C11orf52: variants seen among roughly 807,000 people sequenced by gnomAD.
C11orf52 encodes chromosome 11 open reading frame 52, also known as uncharacterized protein C11orf52.
C11orf52 carries 9 observed loss-of-function variants against 11.7 expected under a neutral mutation model. The observed-to-expected ratio is 0.77, with a 90% CI of 0.46 to 1.34. The LOEUF is 1.34. Among genes scored for constraint, C11orf52 ranks in the 40% most tolerant of loss-of-function variants. The pLI is 0.00. For missense variants in C11orf52, 139 were observed against 154.8 expected, an observed-to-expected ratio of 0.90 and a Z score of 0.54; for synonymous variants, 49 against 57.4, an observed-to-expected ratio of 0.85 and a Z score of 0.66.
intron 2 of C11orf52, 85 bp downstream of exon 2, chr11:111,924,448 G>A: frequency 8.2e-7 from 1 of 1,217,252 alleles, no homozygotes; most frequent in African/African-American, 1.5e-5. Context: ...GGGCAGAAGG[G>A]TAGAAAAGGA....
chr11:111,924,679 T>C (rs1444016581), intron 2 of C11orf52, among the ~76,000 whole-genome samples: 1 of 152,226 alleles, frequency 6.6e-6, no homozygotes, highest in Admixed American at 6.5e-5. Flanking sequence ...GAAAGACACA[T>C]GATCTCAGCC....
intron 1 of C11orf52, among the ~76,000 whole-genome samples, chr11:111,920,720 C>T (rs1965682725): frequency 6.6e-6 from 1 of 152,108 alleles, no homozygotes; most frequent in South Asian, 2.1e-4. Context: ...ACCATGATCA[C>T]ACCACTGCAC....
At chr11:111,922,468 C>T (rs1043904950) in intron 1 of C11orf52, among the ~76,000 whole-genome samples, 14 of 152,172 alleles carry the variant, frequency 9.2e-5, no homozygotes, top group African/African-American at 1.2e-4. Context: ...ACTTCTGCAA[C>T]GAGCAGAAAA....
chr11:111,922,553 G>C (rs1555166624), intron 1 of C11orf52, among the ~76,000 whole-genome samples: 1 of 152,070 alleles, frequency 6.6e-6, no homozygotes, highest in Non-Finnish European at 1.5e-5. Context: ...TTTTAAATGT[G>C]CACAGTTTTT....
At chr11:111,924,105 A>G in intron 1 of C11orf52, 1 of 443,506 alleles carries the variant, frequency 2.3e-6, no homozygotes, top group Admixed American at 3.7e-5. Context: ...GGGTCTGGTT[A>G]TGTCAGTTGT....
chr11:111,919,241 G>A (rs1965647947), intron 1 of C11orf52: 2 of 535,146 alleles, frequency 3.7e-6, no homozygotes, highest in Admixed American at 3.1e-5. Flanking sequence ...TTGGGAGGCC[G>A]AGGCCGGCGG....
At chr11:111,919,130 C>G in intron 1 of C11orf52, 126 bp downstream of exon 1, 1 of 1,044,544 alleles carries the variant, frequency 9.6e-7, no homozygotes, top group Non-Finnish European at 1.4e-6. Flanking sequence ...CTGCCTGGTA[C>G]CTCCTTGTTC....
At chr11:111,924,410 A>G in intron 2 of C11orf52, 47 bp downstream of exon 2, 1 of 1,520,296 alleles carries the variant, frequency 6.6e-7, no homozygotes, top group Middle Eastern at 1.7e-4. Context: ...CAAATTAGAG[A>G]AGACAATAGA....
Position 111,926,139 on chromosome 11 carries a change from G to A in C11orf52, c.312G>A (p.Ala104=), listed in dbSNP as rs1965802669. The A allele has an allele frequency of 1.2e-6, 2 of 1,614,212 alleles. No homozygotes were observed. Among genetic ancestry groups the A allele is most frequent in the Non-Finnish European group, 1.7e-6 (2 of 1,180,040 alleles). Residue 104 remains alanine, a synonymous_variant, in exon 4 of 4, where the codon GCG becomes GCA. Transcript: ENST00000278601. ...HVHLENATEY[A]TLRFPQATPR... is the part of the protein sequence containing the mutation. ...ATTTAGAAAACGCTACAGAGTATGC[G>A]ACCCTTCGCTTCCCCCAGGCCACAC... is the stretch of plus-strand genomic sequence containing the variant.
intron 1 of C11orf52, among the ~76,000 whole-genome samples, chr11:111,920,769 T>A (rs1555166488): frequency 6.6e-6 from 1 of 151,516 alleles, no homozygotes; most frequent in Non-Finnish European, 1.5e-5. Context: ...GTCTCAAAAA[T>A]GAAAATAAAA....
In C11orf52 at chr11:111,926,377, G is replaced by C; in HGVS notation, c.*178G>C. 1.1e-6 allele frequency: 1 copy of C among 919,724 alleles called. No homozygotes were observed. 57.0% of individuals were successfully genotyped at this position (919,724 alleles called of 1,614,324 possible). ...CTCCCCTGGCCTCTTACTTGCCACT[G>C]TTAGGTTGGAGTTAATAGTTGGTTT... On this transcript the variant is annotated 3_prime_UTR_variant, in exon 4 of 4. Coordinates refer to ENST00000278601, the MANE Select transcript of C11orf52 (RefSeq NM_080659.3).
chr11:111,925,031 C>T (rs367886505), intron 2 of C11orf52, among the ~76,000 whole-genome samples: 36 of 152,104 alleles, frequency 2.4e-4, no homozygotes, highest in African/African-American at 6.7e-4. Context: ...GGCCAAGGCA[C>T]GAGAATTGCT....
intron 1 of C11orf52, among the ~76,000 whole-genome samples, chr11:111,920,351 C>T (rs57377042): frequency 0.3 from 45,321 of 151,466 alleles, 7,775 homozygotes; most frequent in East Asian, 0.59. Context: ...GCCTGGCCAA[C>T]ATGGCAAAAC....
Position 111,925,990 on chromosome 11 carries a change from CG to C in C11orf52, c.166del (p.Val56CysfsTer37). The C allele has an allele frequency of 1.2e-6, 2 of 1,614,208 alleles. No homozygotes were observed. Among genetic ancestry groups the C allele is most frequent in the Non-Finnish European group, 1.7e-6 (2 of 1,180,030 alleles). On this transcript the variant is annotated frameshift_variant, in exon 4 of 4. Transcript: ENST00000278601. LOFTEE classifies it low-confidence loss of function (END_TRUNC). ...TGAAACAACAGGACATACGTATGAA[CG>C]GGTGTTACAGCAGCAAGGGTCTCAA... ...GHETTGHTYE[R>X]VLQQQGSQER...
At position 111,925,873 on chromosome 11, in the gene C11orf52, AG is replaced by A. The variant is rs1335966450; in HGVS notation, c.133-84del. On this transcript the variant is annotated intron_variant, in intron 3 of 3. Transcript: ENST00000278601. ...TCCTTTGCTCAAAGGAGCAAAGCGA[AG>A]GGACATCAGTTGACCTGCCCCTGCA... The A allele has an allele frequency of 2.5e-6, 4 of 1,594,028 alleles. No homozygotes were observed. The Admixed American group carries it at 5.1e-5, about 20-fold the overall frequency.
intron 1 of C11orf52, among the ~76,000 whole-genome samples, chr11:111,919,476 A>G (rs1965653737): frequency 2.7e-5 from 4 of 149,668 alleles, no homozygotes; most frequent in Admixed American, 2.7e-4. Context: ...TCTCAACAAC[A>G]ACAACAACAA....
At position 111,919,232 on chromosome 11, in the gene C11orf52, T is replaced by C. The variant is rs1965647614; in HGVS notation, c.32+228T>C. The C allele has an allele frequency of 5.4e-6, 3 of 559,008 alleles. No individual in the cohort carries two copies. The East Asian group carries it at 9.0e-5, about 17-fold the overall frequency. 34.6% of individuals were successfully genotyped at this position (559,008 alleles called of 1,614,324 possible). The stretch of plus-strand genomic sequence containing the variant: ...GCTCACGCCTCTACTCCCAGCACTT[T>C]GGGAGGCCGAGGCCGGCGGATCACG... On this transcript the variant is annotated intron_variant, in intron 1 of 3. Coordinates refer to ENST00000278601, the MANE Select transcript of C11orf52 (RefSeq NM_080659.3).
rs113461678 is a variant in C11orf52 at position 111,926,154 on chromosome 11, C to G, written c.327C>G (p.Pro109=). ...CAGAGTATGCGACCCTTCGCTTCCC[C>G]CAGGCCACACCTCGCTATGACAGCA... is the stretch of plus-strand genomic sequence containing the variant. ...NATEYATLRF[P]QATPRYDSKN... is the part of the protein sequence containing the mutation. Residue 109 remains proline, a synonymous_variant, in exon 4 of 4, where the codon CCC becomes CCG. Coordinates refer to ENST00000278601, the MANE Select transcript of C11orf52 (RefSeq NM_080659.3). 5 of 1,614,228 alleles carry G rather than the reference C, an allele frequency of 3.1e-6. No homozygotes were observed. The African/African-American group carries it at 4.0e-5, about 13-fold the overall frequency.
chr11:111,919,978 G>T (rs368788397), intron 1 of C11orf52, among the ~76,000 whole-genome samples: 1 of 151,566 alleles, frequency 6.6e-6, no homozygotes, highest in Non-Finnish European at 1.5e-5. Flanking sequence ...GGTGGATCAC[G>T]AGGTCAGGAG....
Sources: gnomAD v4.1 joint callset for allele counts (sites outside exome capture counted in the v4.1 genomes callset) on GRCh38, gnomAD v4.1.1 for gene constraint, MANE v1.5 for transcripts, NCBI Gene and HGNC (gene_info 2026-07-23, HGNC 2026-07-21) for gene names.